FRMPD4: variants seen among roughly 807,000 people sequenced by gnomAD.
FRMPD4 encodes the protein FERM and PDZ domain containing 4, also known as FERM and PDZ domain-containing protein 4.
In FRMPD4, 22 loss-of-function variants were observed where a neutral mutation model predicts 94.1. The ratio of observed to expected loss-of-function variants is 0.23; its 90% CI spans 0.17 to 0.33. The LOEUF (loss-of-function observed/expected upper bound fraction) is 0.33. Among genes scored for constraint, FRMPD4 ranks in the 10% least tolerant of loss-of-function variants. FRMPD4 has a pLI of 1.00. For synonymous variants in FRMPD4, 631 were observed against 548.6 expected (o/e 1.15, Z -2.10); for missense variants, 1,111 against 1,339.9 (o/e 0.83, Z 2.67).
At position 12,553,190 on chromosome X, in the gene FRMPD4, A is replaced by AAGAAAGAG. The variant is rs1555983174; in HGVS notation, c.158+54397_158+54398insAAGAGAGA. 8.6e-4 allele frequency among the ~76,000 whole-genome samples: 94 copies of AAGAAAGAG among 108,870 alleles called. 1 individual carries two copies. The highest frequency in any genetic ancestry group is 3.1e-3 in the African/African-American group (91 of 29,791). 94.5% of individuals were successfully genotyped at this position (108,870 alleles called of 115,157 possible). On this transcript the variant is annotated intron_variant, in intron 2 of 16. Coordinates refer to ENST00000675598, the MANE Select transcript of FRMPD4 (RefSeq NM_001368397.1). ...AAAGTAAGAAAGAAAGAAAGAAAGA[A>AAGAAAGAG]AGAGAGAGAGAAAGAAAAAGAGAGA...
At chrX:12,586,983 GT>G (rs386416633) in intron 2 of FRMPD4, among the ~76,000 whole-genome samples, 30 of 102,843 alleles carry the variant, frequency 2.9e-4, no homozygotes, top group Middle Eastern at 4.9e-3. Context: ...TGCTTTTTTT[GT>G]TTTTTTTTTT....
chrX:12,387,371 A>C (rs944789900), intron 1 of FRMPD4, among the ~76,000 whole-genome samples: 4 of 112,261 alleles, frequency 3.6e-5, no homozygotes, highest in Non-Finnish European at 7.5e-5. Context: ...TAAGCCTCTA[A>C]GAAATTCTAA....
intron 3 of FRMPD4, among the ~76,000 whole-genome samples, chrX:11,956,414 T>A (rs1394094124): frequency 1.8e-5 from 2 of 112,033 alleles, no homozygotes; most frequent in Non-Finnish European, 3.8e-5. Flanking sequence ...GGGAGATTTC[T>A]TTAGAGAACA....
intron 1 of FRMPD4, among the ~76,000 whole-genome samples, chrX:12,194,125 G>C (rs1179021636): frequency 9.1e-6 from 1 of 110,323 alleles, no homozygotes; most frequent in Non-Finnish European, 1.9e-5. Context: ...TTTGGCTGCT[G>C]TTTTTGCCCA....
intron 3 of FRMPD4, among the ~76,000 whole-genome samples, chrX:12,054,259 G>A (rs1262546535): frequency 9.0e-6 from 1 of 110,793 alleles, no homozygotes; most frequent in Non-Finnish European, 1.9e-5. Context: ...AACCCCATCA[G>A]CCAATCAATT....
intron 2 of FRMPD4, among the ~76,000 whole-genome samples, chrX:12,533,514 A>G (rs1458150562): frequency 8.9e-6 from 1 of 111,915 alleles, no homozygotes; most frequent in African/African-American, 3.3e-5. Flanking sequence ...AAATGTGGGA[A>G]AGCTTGGAAC....
rs748553137 is a variant in FRMPD4 at position 12,318,399 on chromosome X, C to T, written c.41+179387C>T. ...AATTAGCCGAGTGTGGTGGTGCATG[C>T]CTGTGGTCCTAGCTACTTGGGAGGC... is the stretch of plus-strand genomic sequence containing the variant. On this transcript the variant is annotated intron_variant, in intron 1 of 16. Transcript: ENST00000675598. 9.9e-5 allele frequency among the ~76,000 whole-genome samples: 11 copies of T among 111,534 alleles called. No homozygotes were observed. In the South Asian group the frequency reaches 4.2e-3, roughly 42 times the overall value.
At chrX:12,291,699 C>T (rs186941566) in intron 1 of FRMPD4, among the ~76,000 whole-genome samples, 13 of 111,423 alleles carry the variant, frequency 1.2e-4, no homozygotes, top group African/African-American at 4.2e-4. Context: ...ATTGCAAAGC[C>T]TCTCCCCTCT....
intron 3 of FRMPD4, among the ~76,000 whole-genome samples, chrX:11,991,453 C>G (rs1049789732): frequency 8.9e-6 from 1 of 111,827 alleles, no homozygotes; most frequent in African/African-American, 3.2e-5. Flanking sequence ...CTTACTTTGT[C>G]TTTTTTCTGG....
intron 4 of FRMPD4, among the ~76,000 whole-genome samples, chrX:12,633,021 C>A (rs1015984455): frequency 8.9e-6 from 1 of 111,747 alleles, no homozygotes; most frequent in African/African-American, 3.3e-5. Context: ...CAGCATACAC[C>A]AAATCCTTAC....
intron 3 of FRMPD4, among the ~76,000 whole-genome samples, chrX:11,962,849 C>T (rs775253373): frequency 8.9e-6 from 1 of 111,753 alleles, no homozygotes; most frequent in African/African-American, 3.3e-5. Context: ...AATAACTTAC[C>T]TGGCATAGCT....
intron 1 of FRMPD4, among the ~76,000 whole-genome samples, chrX:12,310,772 G>A (rs2055019151): frequency 8.9e-6 from 1 of 112,057 alleles, no homozygotes; most frequent in Non-Finnish European, 1.9e-5. Flanking sequence ...TATCTGCTCA[G>A]CAGGCAAGAA....
chrX:12,353,120 A>G (rs1411663239), intron 1 of FRMPD4, among the ~76,000 whole-genome samples: 1 of 111,794 alleles, frequency 8.9e-6, no homozygotes, highest in Non-Finnish European at 1.9e-5. Flanking sequence ...GACCAGAGAC[A>G]GGGACCTTTC....
At chrX:11,971,045 T>G (rs1298309549) in intron 3 of FRMPD4, among the ~76,000 whole-genome samples, 2 of 112,246 alleles carry the variant, frequency 1.8e-5, no homozygotes, top group African/African-American at 6.5e-5. Context: ...TTGTCAGGGT[T>G]TTTTCTACTG....
At chrX:11,923,141 T>A (rs945580139) in intron 3 of FRMPD4, among the ~76,000 whole-genome samples, 8 of 113,167 alleles carry the variant, frequency 7.1e-5, no homozygotes, top group Admixed American at 1.8e-4. Flanking sequence ...TTTGCTGGCA[T>A]GTGTCTGCAT....
At chrX:11,916,285 G>T (rs2054024363) in intron 3 of FRMPD4, among the ~76,000 whole-genome samples, 1 of 111,431 alleles carries the variant, frequency 9.0e-6, no homozygotes, top group Non-Finnish European at 1.9e-5. Flanking sequence ...CAAAGACTGT[G>T]CTGTTCCTTG....
intron 1 of FRMPD4, among the ~76,000 whole-genome samples, chrX:12,203,289 A>G (rs941536685): frequency 3.6e-5 from 4 of 112,114 alleles, no homozygotes; most frequent in African/African-American, 1.3e-4. Flanking sequence ...GTCAAAGTCA[A>G]GGATACTTTT....
chrX:12,220,539 T>C (rs1444172269), intron 1 of FRMPD4, among the ~76,000 whole-genome samples: 2 of 112,011 alleles, frequency 1.8e-5, no homozygotes, highest in Non-Finnish European at 3.8e-5. Flanking sequence ...TAAGTTTAGG[T>C]TGAGAAGCGG....
At chrX:12,185,912 A>G (rs1382997747) in intron 1 of FRMPD4, among the ~76,000 whole-genome samples, 1 of 111,846 alleles carries the variant, frequency 8.9e-6, no homozygotes, top group Non-Finnish European at 1.9e-5. Context: ...AGTCTGATTA[A>G]AGTGAAGGAC....
Sources: gnomAD v4.1 joint callset for allele counts (sites outside exome capture counted in the v4.1 genomes callset) on GRCh38, gnomAD v4.1.1 for gene constraint, MANE v1.5 for transcripts, NCBI Gene and HGNC (gene_info 2026-07-23, HGNC 2026-07-21) for gene names.